Variants in SPTBN1 observed in about 807,000 individuals in gnomAD.
SPTBN1 encodes spectrin beta, non-erythrocytic 1.
In SPTBN1, 32 loss-of-function variants were observed where a neutral mutation model predicts 266.4. The ratio of observed to expected loss-of-function variants is 0.12; its 90% confidence interval spans 0.09 to 0.16. SPTBN1 has a LOEUF of 0.16. Ranked by LOEUF, SPTBN1 falls within the 10% of genes least tolerant of loss-of-function variation. The pLI is 1.00. For synonymous variants in SPTBN1, 1,336 were observed against 1,162.2 expected (o/e 1.15, Z -3.04); for missense variants, 2,296 against 3,067.1 (o/e 0.75, Z 5.94).
At position 54,630,000 on chromosome 2, in the gene SPTBN1, CAA is replaced by C; in HGVS notation, c.2780_2781del (p.Lys927SerfsTer18). The C allele has an allele frequency of 6.2e-7, 1 of 1,614,080 alleles. No individual in the cohort carries two copies. The highest frequency in any genetic ancestry group is 8.5e-7 in the Non-Finnish European group (1 of 1,180,006). On this transcript the variant is annotated frameshift_variant, in exon 15 of 36. Transcript: ENST00000356805. LOFTEE classifies it high-confidence loss of function. ...HSGHPSEKEI[K>X]AQQDKLNTRW... ...GCGGCCACCCAAGTGAGAAGGAAAT[CAA>C]AGCCCAGCAGGACAAACTCAACACA...
At chr2:54,530,906 T>G (rs1407702776) in intron 2 of SPTBN1, among the ~76,000 whole-genome samples, 3 of 152,082 alleles carry the variant, frequency 2.0e-5, no homozygotes, top group African/African-American at 7.2e-5. Flanking sequence ...TAGTCTCCCA[T>G]CCCTAGCTAG....
chr2:54,643,582 A>G (rs1441961723), intron 19 of SPTBN1, among the ~76,000 whole-genome samples: 1 of 152,242 alleles, frequency 6.6e-6, no homozygotes, highest in Non-Finnish European at 1.5e-5. Context: ...TTATTCTTGC[A>G]CAGAGAGATT....
intron 2 of SPTBN1, among the ~76,000 whole-genome samples, chr2:54,530,091 C>T (rs1671125691): frequency 6.6e-6 from 1 of 151,980 alleles, no homozygotes; most frequent in Non-Finnish European, 1.5e-5. Context: ...TTTCCTGTGT[C>T]CCTCTAGGGC....
intron 1 of SPTBN1, among the ~76,000 whole-genome samples, chr2:54,495,414 C>G (rs1315761796): frequency 6.6e-6 from 1 of 152,180 alleles, no homozygotes; most frequent in Non-Finnish European, 1.5e-5. Context: ...TCCAAGAGGG[C>G]TCTGTCTTGC....
At position 54,653,020 on chromosome 2, in the gene SPTBN1, T is replaced by C. The variant is rs1310438070; in HGVS notation, c.5578-589T>C. 1 of 152,258 alleles carries C rather than the reference T, an allele frequency of 6.6e-6. No individual in the cohort carries two copies. The highest frequency in any genetic ancestry group is 2.4e-5 in the African/African-American group (1 of 41,466). 9.4% of individuals were successfully genotyped at this position (152,258 alleles called of 1,614,324 possible). A position where few individuals can be genotyped will look rare whatever the true frequency, so the allele number is the denominator to read the frequency against. ...CAATTCTCAATGTATATTTTTAGTT[T>C]TGCAAGGTTTTTGTTGAAATTTGGC... On this transcript the variant is annotated intron_variant, in intron 26 of 35. Coordinates refer to ENST00000356805, the MANE Select transcript of SPTBN1 (RefSeq NM_003128.3). This position sits in a 1 kb window ranked among gnomAD's most constrained non-coding sequence, Gnocchi z 5.1.
intron 1 of SPTBN1, among the ~76,000 whole-genome samples, chr2:54,503,267 G>T (rs1363590570): frequency 6.6e-6 from 1 of 152,198 alleles, no homozygotes; most frequent in East Asian, 1.9e-4. Context: ...TGGGAACTTG[G>T]CCCATCTTTC....
chr2:54,653,437 G>A lies in SPTBN1; in HGVS notation c.5578-172G>A, dbSNP rs1321854105. On this transcript the variant is annotated intron_variant, in intron 26 of 35. Transcript: ENST00000356805. This position sits in a 1 kb window ranked among gnomAD's most constrained non-coding sequence, Gnocchi z 5.1. ...GTAGTTGAACAGATTTATAGAAAAC[G>A]GGTTTTTGTGACTTGGATCTCCCCA... is the stretch of plus-strand genomic sequence containing the variant. The A allele has an allele frequency of 1.4e-5, 13 of 955,708 alleles. No individual in the cohort carries two copies. In the East Asian group the frequency reaches 2.6e-4, roughly 19 times the overall value. The allele number at this position is 955,708 out of a possible 1,614,324, so 59.2% of individuals were successfully genotyped here.
At chr2:54,550,517 C>A (rs1489606566) in intron 2 of SPTBN1, among the ~76,000 whole-genome samples, 1 of 152,196 alleles carries the variant, frequency 6.6e-6, no homozygotes, top group African/African-American at 2.4e-5. Context: ...TACCTACACT[C>A]TCATGTTAGA....
intron 2 of SPTBN1, among the ~76,000 whole-genome samples, chr2:54,597,379 T>A (rs559161120): frequency 1.3e-5 from 2 of 152,356 alleles, no homozygotes; most frequent in South Asian, 2.1e-4. Context: ...CCTGTCATGA[T>A]GTTATTGGTG....
intron 2 of SPTBN1, among the ~76,000 whole-genome samples, chr2:54,595,223 T>C (rs929635978): frequency 3.9e-5 from 6 of 152,238 alleles, no homozygotes; most frequent in African/African-American, 7.2e-5. Flanking sequence ...CTGGGCACTT[T>C]GATGTGCACT....
At chr2:54,660,946 A>G in intron 32 of SPTBN1, 4 of 985,388 alleles carry the variant, frequency 4.1e-6, no homozygotes, top group Non-Finnish European at 4.8e-6. Context: ...CAGGGTGTCA[A>G]ACTGTTTTAA....
chr2:54,613,670 C>T (rs1435801364), intron 4 of SPTBN1, among the ~76,000 whole-genome samples: 1 of 152,234 alleles, frequency 6.6e-6, no homozygotes, highest in Non-Finnish European at 1.5e-5. Context: ...GATGGTACAA[C>T]ATCATTAAAG....
At chr2:54,632,212 G>T (rs970636486) in intron 16 of SPTBN1, among the ~76,000 whole-genome samples, 2 of 151,886 alleles carry the variant, frequency 1.3e-5, no homozygotes, top group African/African-American at 2.4e-5. Context: ...AACAGCTGAG[G>T]ATAGTCACCA....
At chr2:54,633,335 C>A (rs1678883476) in intron 17 of SPTBN1, among the ~76,000 whole-genome samples, 1 of 152,170 alleles carries the variant, frequency 6.6e-6, no homozygotes, top group African/African-American at 2.4e-5. Context: ...AGGTTATTTT[C>A]CTCTTCTGCC....
intron 2 of SPTBN1, among the ~76,000 whole-genome samples, chr2:54,541,295 CCCCTAT>C (rs905078551): frequency 1.3e-5 from 2 of 152,200 alleles, no homozygotes; most frequent in African/African-American, 4.8e-5. Flanking sequence ...TTGCCCTGGG[CCCCTAT>C]ACACACTGTC....
At chr2:54,537,621 C>A (rs1671688155) in intron 2 of SPTBN1, among the ~76,000 whole-genome samples, 1 of 152,086 alleles carries the variant, frequency 6.6e-6, no homozygotes, top group South Asian at 2.1e-4. Context: ...CTTGGATGAT[C>A]AAGGGAAGGG....
intron 1 of SPTBN1, among the ~76,000 whole-genome samples, chr2:54,501,345 C>A (rs1412799432): frequency 6.6e-6 from 1 of 151,828 alleles, no homozygotes; most frequent in African/African-American, 2.4e-5. Flanking sequence ...TTGTAATTAG[C>A]TAACTAAGAC....
At chr2:54,468,441 A>G (rs1037383436) in intron 1 of SPTBN1, among the ~76,000 whole-genome samples, 6 of 151,888 alleles carry the variant, frequency 4.0e-5, no homozygotes, top group Non-Finnish European at 7.4e-5. Context: ...ACACATACAT[A>G]TTAAGGGCCA....
Position 54,456,466 on chromosome 2 carries a change from C to T in SPTBN1, c.-100C>T, listed in dbSNP as rs1325442905. 2.0e-5 allele frequency: 3 copies of T among 152,084 alleles called. No individual in the cohort carries two copies. Among genetic ancestry groups the T allele is most frequent in the Non-Finnish European group, 2.9e-5 (2 of 68,024 alleles). 9.4% of individuals were successfully genotyped at this position (152,084 alleles called of 1,614,324 possible). On this transcript the variant is annotated 5_prime_UTR_variant, in exon 1 of 36. Transcript: ENST00000356805. ...GCCTCCCGGCCCACCCGCCCGGCCG[C>T]CGAGGAGCGGGAGGAGGACGGGACC...
Sources: allele counts gnomAD v4.1 joint callset (sites outside exome capture counted in the v4.1 genomes callset), GRCh38; gene constraint gnomAD v4.1.1; non-coding constraint Gnocchi (gnomAD v3.1); transcripts MANE v1.5; gene names NCBI Gene and HGNC (gene_info 2026-07-23, HGNC 2026-07-21).